The following ADAMTS17 variants were observed in gnomAD, a reference collection of about 807,000 sequenced individuals.
ADAMTS17 encodes the protein ADAM metallopeptidase with thrombospondin type 1 motif 17, also known as A disintegrin and metalloproteinase with thrombospondin motifs 17.
Under a neutral mutation model 141.5 loss-of-function variants are expected in ADAMTS17, and 113 were observed. The observed-to-expected ratio is 0.80, with a 90% CI of 0.69 to 0.93. ADAMTS17 has a LOEUF of 0.93. Among genes scored for constraint, ADAMTS17 ranks in the 40% least tolerant of loss-of-function variants. The pLI, the probability that ADAMTS17 is intolerant of heterozygous loss-of-function variation, is 0.00. For missense variants in ADAMTS17, 1,659 were observed against 1,517.9 expected (o/e 1.09, Z -1.54); for synonymous variants, 768 against 630.6 (o/e 1.22, Z -3.27).
At chr15:100,050,360 T>C (rs565396462) in intron 17 of ADAMTS17, among the ~76,000 whole-genome samples, 1 of 152,126 alleles carries the variant, frequency 6.6e-6, no homozygotes, top group Non-Finnish European at 1.5e-5. Context: ...GAGGTAGATG[T>C]GTCAGCTGGA....
At chr15:100,329,295 T>C (rs1297731064) in intron 3 of ADAMTS17, among the ~76,000 whole-genome samples, 2 of 152,092 alleles carry the variant, frequency 1.3e-5, no homozygotes, top group Non-Finnish European at 2.9e-5. Context: ...TCCCAGGACT[T>C]TGGCAGGCCA....
intron 4 of ADAMTS17, among the ~76,000 whole-genome samples, chr15:100,273,162 G>A (rs991342390): frequency 3.9e-5 from 6 of 152,118 alleles, no homozygotes; most frequent in African/African-American, 1.2e-4. Context: ...ATAAGGGACT[G>A]TAGTTTTGTT....
At chr15:100,164,453 T>C (rs2039865794) in intron 8 of ADAMTS17, among the ~76,000 whole-genome samples, 1 of 152,212 alleles carries the variant, frequency 6.6e-6, no homozygotes, top group Non-Finnish European at 1.5e-5. Flanking sequence ...GATCCTGTTC[T>C]AGGCACTGAG....
chr15:100,152,827 CT>C lies in ADAMTS17; in HGVS notation c.1323-66del, dbSNP rs10664668. The C allele has an allele frequency of 0.12, 172,105 of 1,405,288 alleles. 8,221 individuals carry two copies. Among genetic ancestry groups the C allele is most frequent in the Middle Eastern group, 0.18 (1,020 of 5,522 alleles). The allele number at this position is 1,405,288 out of a possible 1,614,324, so 87.1% of individuals were successfully genotyped here. The stretch of plus-strand genomic sequence containing the variant: ...GCCTAGGTTTTTTTGTTTTCTTTTT[CT>C]TTTTTTTTTTGAGTTTTCAGTCACT... On this transcript the variant is annotated intron_variant, in intron 9 of 21. Coordinates refer to ENST00000268070, the MANE Select transcript of ADAMTS17 (RefSeq NM_139057.4).
At chr15:100,001,486 C>T (rs60183859) in intron 18 of ADAMTS17, among the ~76,000 whole-genome samples, 1,973 of 151,992 alleles carry the variant, frequency 0.013, 41 homozygotes, top group African/African-American at 0.044. Context: ...ATGTGCAACA[C>T]TGAGAATGAA....
At chr15:100,233,865 C>T (rs574310956) in intron 7 of ADAMTS17, among the ~76,000 whole-genome samples, 2 of 152,056 alleles carry the variant, frequency 1.3e-5, no homozygotes, top group Admixed American at 6.5e-5. Context: ...GGTGGCTTCC[C>T]GGGAGTGAGC....
chr15:100,283,834 AGT>A (rs1446163689), intron 3 of ADAMTS17, among the ~76,000 whole-genome samples: 1 of 152,212 alleles, frequency 6.6e-6, no homozygotes, highest in East Asian at 1.9e-4. Context: ...CACTGGGTAC[AGT>A]GGCTCACGCC....
At chr15:100,328,574 A>T (rs1033812834) in intron 3 of ADAMTS17, among the ~76,000 whole-genome samples, 1 of 152,176 alleles carries the variant, frequency 6.6e-6, no homozygotes, top group Non-Finnish European at 1.5e-5. Context: ...TTCTCCCTAC[A>T]GTCTTGCGTG....
At chr15:100,063,658 G>C in intron 15 of ADAMTS17, 3 of 1,289,642 alleles carry the variant, frequency 2.3e-6, no homozygotes, top group Non-Finnish European at 3.0e-6. Flanking sequence ...TAAATGGTGA[G>C]TCAAGTCATT....
At chr15:100,090,129 G>A (rs960102801) in intron 15 of ADAMTS17, among the ~76,000 whole-genome samples, 4 of 152,058 alleles carry the variant, frequency 2.6e-5, no homozygotes, top group African/African-American at 9.7e-5. Context: ...ATATTCTACA[G>A]CAAATCTCTC....
chr15:100,077,235 G>C (rs1273729553), intron 15 of ADAMTS17, among the ~76,000 whole-genome samples: 13 of 140,424 alleles, frequency 9.3e-5, no homozygotes, highest in Non-Finnish European at 2.0e-4. Context: ...CTTGAGGCCA[G>C]GAGTTTGCAA....
At chr15:100,234,289 T>C (rs145254117) in intron 7 of ADAMTS17, among the ~76,000 whole-genome samples, 3,795 of 152,320 alleles carry the variant, frequency 0.025, 69 homozygotes, top group South Asian at 0.041. Flanking sequence ...CAGCCACCGT[T>C]TTCCACGAGG....
intron 7 of ADAMTS17, among the ~76,000 whole-genome samples, chr15:100,235,837 C>G (rs762707180): frequency 2.2e-4 from 33 of 152,166 alleles, no homozygotes; most frequent in Non-Finnish European, 4.3e-4. Context: ...TACCTTCAAT[C>G]CACAGATCAG....
intron 16 of ADAMTS17, among the ~76,000 whole-genome samples, chr15:100,053,497 A>G (rs1033560205): frequency 6.6e-6 from 1 of 152,200 alleles, no homozygotes; most frequent in African/African-American, 2.4e-5. Flanking sequence ...AAAGGTAATG[A>G]TATACACTCT....
intron 3 of ADAMTS17, among the ~76,000 whole-genome samples, chr15:100,317,091 C>T (rs1285110416): frequency 6.6e-6 from 1 of 152,188 alleles, no homozygotes; most frequent in Non-Finnish European, 1.5e-5. Flanking sequence ...CAGCACAACA[C>T]CCCTTCCTAA....
At chr15:99,985,067 C>T (rs1480401607) in intron 20 of ADAMTS17, among the ~76,000 whole-genome samples, 12 of 152,260 alleles carry the variant, frequency 7.9e-5, no homozygotes, top group Non-Finnish European at 1.6e-4. Flanking sequence ...CTTCAGCAAG[C>T]TCACTGCTCT....
intron 4 of ADAMTS17, among the ~76,000 whole-genome samples, chr15:100,280,874 C>G (rs2044257114): frequency 6.6e-6 from 1 of 152,176 alleles, no homozygotes; most frequent in African/African-American, 2.4e-5. Context: ...AATTTGTTCC[C>G]CCCGCTAGAC....
At chr15:100,254,683 T>G (rs769009044) in intron 6 of ADAMTS17, among the ~76,000 whole-genome samples, 24 of 152,230 alleles carry the variant, frequency 1.6e-4, no homozygotes, top group Non-Finnish European at 2.5e-4. Flanking sequence ...AATGAGATCA[T>G]GTTCTTTGCA....
Position 100,051,632 on chromosome 15 carries a change from C to T in ADAMTS17, c.2395G>A (p.Asp799Asn). The change falls in exon 17 of 22, where the codon GAC becomes AAC. Residue 799 changes from aspartate (D) to asparagine (N), a missense_variant. Coordinates refer to ENST00000268070, the MANE Select transcript of ADAMTS17 (RefSeq NM_139057.4). The stretch of plus-strand genomic sequence containing the variant: ...CTGTGGGTCCAGATGAACAAAGAGT[C>T]CTGCGGTTTTTCTGGTTCGCTTTGA... ...ENQSEPEKPQ[D>N]SLFIWTHSGW... 6.2e-7 allele frequency: 1 copy of T among 1,614,160 alleles called. No individual in the cohort carries two copies. The highest frequency in any genetic ancestry group is 8.5e-7 in the Non-Finnish European group (1 of 1,180,026).
Sources: gnomAD v4.1 joint callset for allele counts (sites outside exome capture counted in the v4.1 genomes callset) on GRCh38, gnomAD v4.1.1 for gene constraint, MANE v1.5 for transcripts, NCBI Gene and HGNC (gene_info 2026-07-23, HGNC 2026-07-21) for gene names.